Variants in PDIA4 observed in about 807,000 individuals in gnomAD.
The protein encoded by PDIA4 is protein disulfide isomerase family A member 4.
Under a neutral mutation model 62.1 loss-of-function variants are expected in PDIA4, and 33 were observed. That is an observed-to-expected ratio of 0.53 (90% CI 0.40 to 0.71). The LOEUF is 0.71. Among genes scored for constraint, PDIA4 ranks in the 30% least tolerant of loss-of-function variants. The probability of loss-of-function intolerance (pLI) is 0.00; values close to 1 mark genes in which losing one functional copy is unlikely to be tolerated. For missense variants in PDIA4, 804 were observed against 813.6 expected (o/e 0.99, Z 0.14); for synonymous variants, 341 against 324.1 (o/e 1.05, Z -0.56).
At chr7:149,026,936 A>C (rs1190669169) in intron 1 of PDIA4, among the ~76,000 whole-genome samples, 1 of 152,142 alleles carries the variant, frequency 6.6e-6, no homozygotes, top group Non-Finnish European at 1.5e-5. Flanking sequence ...TCTGACCGGA[A>C]GGATAAACTT....
intron 4 of PDIA4, among the ~76,000 whole-genome samples, chr7:149,014,281 T>C (rs1011999736): frequency 1.3e-5 from 2 of 152,042 alleles, no homozygotes; most frequent in African/African-American, 4.8e-5. Context: ...AAGCTTCCTC[T>C]GCTTACTGAC....
chr7:149,015,169 A>G (rs988006597), intron 3 of PDIA4, 127 bp from the exon 4 acceptor site: 2 of 916,694 alleles, frequency 2.2e-6, no homozygotes, highest in African/African-American at 3.3e-5. Flanking sequence ...GAGGTGTCTG[A>G]TTTCCTGAAA....
At chr7:149,025,085 A>AAATATATATATATATATAT (rs1554446854) in intron 1 of PDIA4, among the ~76,000 whole-genome samples, 43 of 22,212 alleles carry the variant, frequency 1.9e-3, no homozygotes, top group African/African-American at 2.4e-3. Context: ...AAAAAAAAAA[A>AAATATATATATATATATAT]ATATATATAT....
At chr7:149,023,832 C>T (rs376245941) in intron 1 of PDIA4, among the ~76,000 whole-genome samples, 26 of 152,282 alleles carry the variant, frequency 1.7e-4, no homozygotes, top group South Asian at 1.7e-3. Flanking sequence ...TACCTATGGT[C>T]GGCCTCAAGT....
chr7:149,012,105 T>C (rs755138821), intron 5 of PDIA4, 50 bp downstream of exon 5: 3 of 1,610,402 alleles, frequency 1.9e-6, no homozygotes, highest in Non-Finnish European at 2.5e-6. Context: ...AGCTTCCTGT[T>C]AGGGAGTTTC....
chr7:149,020,418 G>A (rs1294861798), intron 2 of PDIA4, among the ~76,000 whole-genome samples: 1 of 152,164 alleles, frequency 6.6e-6, no homozygotes, highest in Admixed American at 6.5e-5. Context: ...AGAGGAGAAG[G>A]GATGAGAGGG....
intron 7 of PDIA4, 141 bp downstream of exon 7, chr7:149,008,018 G>A: frequency 1.3e-6 from 1 of 762,058 alleles, no homozygotes; most frequent in Non-Finnish European, 2.0e-6. Flanking sequence ...CTGTGGGGTG[G>A]GGAGAACGGG....
rs1382850550 is a variant in PDIA4, at chr7:149,021,086, A to C, written c.150T>G (p.Asp50Glu). 1.2e-6 allele frequency: 2 copies of C among 1,612,288 alleles called. No individual in the cohort carries two copies. Among genetic ancestry groups the C allele is most frequent in the Admixed American group, 1.7e-5 (1 of 59,886 alleles). Residue 50 changes from aspartate (D) to glutamate (E), a missense_variant, in exon 2 of 10, where the codon GAT becomes GAG. Transcript: ENST00000652332. ...TAACTTCCAAGTCGTCTTCTTCCTC[A>C]TCATCATCTTCCTCCTCCTCCTCCT... is the stretch of plus-strand genomic sequence containing the variant. Reference protein sequence around the residue: ...DEEEEEEEDDDEEEDDLEVKE... With the variant: ...DEEEEEEEDDEEEEDDLEVKE...
chr7:149,008,199 T>C lies in PDIA4; in HGVS notation c.1091A>G (p.Gln364Arg), dbSNP rs1177023325. The change falls in exon 7 of 10, where the codon CAG (glutamine) becomes CGG (arginine). Residue 364 changes from glutamine to arginine, a missense_variant. Gln to Arg is a conservative substitution (Grantham distance 43). Coordinates refer to ENST00000652332, the MANE Select transcript of PDIA4 (RefSeq NM_004911.5). ...GTGGCTCCGGGGCTCATACTTGGACTGGAATTTCTCAGGCTGCATTACAAC... is the reference window on the plus strand; with the variant it reads ...GTGGCTCCGGGGCTCATACTTGGACCGGAATTTCTCAGGCTGCATTACAAC... ...QLVVMQPEKF[Q>R]SKYEPRSHMM... 1.9e-6 allele frequency: 3 copies of C among 1,614,142 alleles called. No homozygotes were observed. Among genetic ancestry groups the C allele is most frequent in the Non-Finnish European group, 2.5e-6 (3 of 1,180,008 alleles).
intron 1 of PDIA4, among the ~76,000 whole-genome samples, chr7:149,025,091 T>A (rs148733305): frequency 0.58 from 51,376 of 88,412 alleles, 14,876 homozygotes; most frequent in South Asian, 0.72. Context: ...AAAAAATATA[T>A]ATATATATAT....
chr7:149,012,052 T>C (rs1160152302), intron 5 of PDIA4, 48 bp from the exon 6 acceptor site: 3 of 1,601,022 alleles, frequency 1.9e-6, no homozygotes, highest in Admixed American at 1.7e-5. Flanking sequence ...AACTGCCCAC[T>C]TCCCATGGCC....
At chr7:149,012,408 C>T (rs1322506234) in intron 4 of PDIA4, 48 bp from the exon 5 acceptor site, 4 of 1,500,818 alleles carry the variant, frequency 2.7e-6, no homozygotes, top group Admixed American at 1.7e-5. Context: ...AGTGTGGACT[C>T]ACTTTCTAGC....
At chr7:149,027,673 G>A (rs1187312770) in intron 1 of PDIA4, among the ~76,000 whole-genome samples, 1 of 149,282 alleles carries the variant, frequency 6.7e-6, no homozygotes, top group Non-Finnish European at 1.5e-5. Flanking sequence ...ACTGGAGTAC[G>A]CGCTTCATGG....
Position 149,005,973 on chromosome 7 carries a change from G to C in PDIA4, c.1212C>G (p.Asn404Lys). Residue 404 changes from asparagine to lysine, a missense_variant, in exon 8 of 10, where the codon AAC becomes AAG. By Grantham distance (94) the Asn-to-Lys change is moderately conservative. Coordinates refer to ENST00000652332, the MANE Select transcript of PDIA4 (RefSeq NM_004911.5). ...LPLVGHRKVS[N>K]DAKRYTRRPL... ...GGCGCCTGGTGTAGCGCTTAGCATCGTTTGACACCTTGCGGTGGCCAACCA... is the reference window on the plus strand; with the variant it reads ...GGCGCCTGGTGTAGCGCTTAGCATCCTTTGACACCTTGCGGTGGCCAACCA... 6.5e-7 allele frequency: 1 copy of C among 1,541,968 alleles called. No individual in the cohort carries two copies. Among genetic ancestry groups the C allele is most frequent in the Non-Finnish European group, 8.7e-7 (1 of 1,154,418 alleles).
intron 7 of PDIA4, 143 bp downstream of exon 7, chr7:149,008,016 T>TG: frequency 1.4e-6 from 1 of 734,430 alleles, no homozygotes. Context: ...ACCTGTGGGG[T>TG]GGGGAGAACG....
Position 149,008,155 on chromosome 7 carries a change from T to C in PDIA4, c.1131+4A>G, listed in dbSNP as rs372146798. 2 of 1,613,140 alleles carry C rather than the reference T, an allele frequency of 1.2e-6. No homozygotes were observed. The highest frequency in any genetic ancestry group is 2.7e-5 in the African/African-American group (2 of 74,996). On this transcript the variant is annotated splice_donor_region_variant and intron_variant, in intron 7 of 9. Transcript: ENST00000652332. The stretch of plus-strand genomic sequence containing the variant: ...GGGCTGGCATGGCAGAGGGGCCCGC[T>C]TACCTGGACGTCCATCATGTGGCTC...
Position 149,012,294 on chromosome 7 carries a change from A to G in PDIA4, c.681T>C (p.Ser227=). ...CGACCTTTGCCAGGGGAATTGGAGG[A>G]GAACGCTTGCTGAGCTCCTTGGCGG... ...EKAAKELSKR[S]PPIPLAKVDA... is the part of the protein sequence containing the mutation. Residue 227 remains serine, a synonymous_variant, in exon 5 of 10, where the codon TCT becomes TCC. Coordinates refer to ENST00000652332, the MANE Select transcript of PDIA4 (RefSeq NM_004911.5). The G allele has an allele frequency of 6.2e-7, 1 of 1,614,084 alleles. No individual in the cohort carries two copies. The highest frequency in any genetic ancestry group is 1.1e-5 in the South Asian group (1 of 91,070).
In PDIA4 at chr7:149,020,026, T is replaced by C. The variant is rs75445905; in HGVS notation, c.270-829A>G. Among the ~76,000 whole-genome samples, 671 of 152,266 alleles carry C rather than the reference T, an allele frequency of 4.4e-3. 3 individuals are homozygous for C. The highest frequency in any genetic ancestry group is 0.015 in the African/African-American group (641 of 41,554). On this transcript the variant is annotated intron_variant, in intron 2 of 9. Coordinates refer to ENST00000652332, the MANE Select transcript of PDIA4 (RefSeq NM_004911.5). ...CCCAGGCTGGAGTGCAGTGGCACAA[T>C]TTCAGCTAGTTGCAGCCTCCCCCTC...
chr7:149,028,080 C>A (rs1824621596), intron 1 of PDIA4: 2 of 625,096 alleles, frequency 3.2e-6, no homozygotes. Flanking sequence ...TCCAGGGCGT[C>A]GGAGCCCAAG....
Sources: gnomAD v4.1 joint callset for allele counts (sites outside exome capture counted in the v4.1 genomes callset) on GRCh38, gnomAD v4.1.1 for gene constraint, MANE v1.5 for transcripts, NCBI Gene and HGNC (gene_info 2026-07-23, HGNC 2026-07-21) for gene names.